Variants in CERS3 observed in about 807,000 individuals in gnomAD.
CERS3 encodes the protein ceramide synthase 3.
In CERS3, 33 loss-of-function variants were observed where a neutral mutation model predicts 50.3. The observed-to-expected ratio is 0.66, with a 90% CI of 0.50 to 0.88. The LOEUF (loss-of-function observed/expected upper bound fraction) is 0.88, where lower values mean the gene tolerates loss of function less well. Ranked by LOEUF, CERS3 falls within the 40% of genes least tolerant of loss-of-function variation. The pLI is 0.00. For missense variants in CERS3, 470 were observed against 460.3 expected, an observed-to-expected ratio of 1.02 and a Z score of -0.19; for synonymous variants, 176 against 155.2, an observed-to-expected ratio of 1.13 and a Z score of -0.99.
At chr15:100,501,530 C>T in intron 3 of CERS3, 147 bp downstream of exon 3, 1 of 647,458 alleles carries the variant, frequency 1.5e-6, no homozygotes. Flanking sequence ...CATCTGATTA[C>T]ATTAACTCAT....
intron 11 of CERS3, chr15:100,438,029 GTACCCACTTTT>G (rs1470395391): frequency 7.2e-6 from 1 of 139,436 alleles, no homozygotes; most frequent in Non-Finnish European, 1.5e-5. Context: ...ATTGGATTAT[GTACCCACTTTT>G]TTTTTTTTTT....
At chr15:100,459,530 G>A (rs190482478) in intron 10 of CERS3, among the ~76,000 whole-genome samples, 7 of 152,112 alleles carry the variant, frequency 4.6e-5, no homozygotes, top group African/African-American at 1.7e-4. Context: ...CGAACTTCTA[G>A]GCTTAAGGGA....
At chr15:100,448,980 G>C (rs1368277822) in intron 11 of CERS3, among the ~76,000 whole-genome samples, 1 of 152,266 alleles carries the variant, frequency 6.6e-6, no homozygotes, top group South Asian at 2.1e-4. Flanking sequence ...TGCAGGTGCT[G>C]CCACTGAAAG....
intron 11 of CERS3, among the ~76,000 whole-genome samples, chr15:100,438,993 C>T (rs1044313289): frequency 6.6e-6 from 1 of 152,146 alleles, no homozygotes. Context: ...AAGAAAATGA[C>T]AAGATGAGTG....
At chr15:100,452,717 T>C (rs1005041417) in intron 11 of CERS3, among the ~76,000 whole-genome samples, 2 of 151,994 alleles carry the variant, frequency 1.3e-5, no homozygotes, top group African/African-American at 2.4e-5. Context: ...AATTAGAAGT[T>C]AGTTTTTGAA....
intron 2 of CERS3, among the ~76,000 whole-genome samples, chr15:100,517,745 C>T (rs77669705): frequency 6.6e-6 from 1 of 152,082 alleles, no homozygotes; most frequent in African/African-American, 2.4e-5. Context: ...AGATAAAGCA[C>T]CCCTTGGAAA....
intron 11 of CERS3, among the ~76,000 whole-genome samples, chr15:100,442,942 C>A (rs1044441442): frequency 6.6e-6 from 1 of 150,516 alleles, no homozygotes; most frequent in Non-Finnish European, 1.5e-5. Flanking sequence ...TGGGTATTGA[C>A]GGCCAGGCTT....
chr15:100,406,941 G>A (rs143770758), intron 11 of CERS3, among the ~76,000 whole-genome samples: 2 of 152,214 alleles, frequency 1.3e-5, no homozygotes, highest in African/African-American at 2.4e-5. Flanking sequence ...CGGGCAAAGA[G>A]AGAGAGAGAG....
chr15:100,466,466 A>G (rs776137883), intron 10 of CERS3, among the ~76,000 whole-genome samples: 1 of 152,316 alleles, frequency 6.6e-6, no homozygotes, highest in Non-Finnish European at 1.5e-5. Context: ...CTTCCCTTGA[A>G]TATGAGTCAG....
chr15:100,498,945 A>G (rs1042658437), intron 3 of CERS3, among the ~76,000 whole-genome samples: 6 of 152,186 alleles, frequency 3.9e-5, no homozygotes, highest in Non-Finnish European at 7.3e-5. Flanking sequence ...CTCAGATGAA[A>G]AAGTCTAATG....
At chr15:100,541,530 T>C (rs1291937816) in intron 1 of CERS3, among the ~76,000 whole-genome samples, 1 of 152,170 alleles carries the variant, frequency 6.6e-6, no homozygotes, top group Admixed American at 6.5e-5. Context: ...AAAAGGAAAC[T>C]GGAAAGAAAC....
intron 1 of CERS3, among the ~76,000 whole-genome samples, chr15:100,534,697 C>A (rs1270739798): frequency 2.0e-5 from 3 of 149,968 alleles, no homozygotes; most frequent in Admixed American, 6.6e-5. Flanking sequence ...AAACCCTAAG[C>A]AATTTCCAGT....
At chr15:100,455,655 C>A (rs1409738733) in intron 11 of CERS3, among the ~76,000 whole-genome samples, 1 of 152,036 alleles carries the variant, frequency 6.6e-6, no homozygotes, top group African/African-American at 2.4e-5. Context: ...GAAGTTTTGA[C>A]ATTTTAAAAA....
At chr15:100,526,513 T>TGTGTGTGTGC (rs71151963) in intron 1 of CERS3, among the ~76,000 whole-genome samples, 3 of 151,538 alleles carry the variant, frequency 2.0e-5, no homozygotes, top group Non-Finnish European at 4.4e-5. Flanking sequence ...TGTGTGTGTG[T>TGTGTGTGTGC]AAAAACAACT....
At chr15:100,493,773 T>C (rs2035721729) in intron 3 of CERS3, among the ~76,000 whole-genome samples, 1 of 152,190 alleles carries the variant, frequency 6.6e-6, no homozygotes, top group Non-Finnish European at 1.5e-5. Flanking sequence ...CTATTGAGCC[T>C]CTCTCATGAA....
chr15:100,452,346 T>C (rs527482893), intron 11 of CERS3, among the ~76,000 whole-genome samples: 3 of 152,214 alleles, frequency 2.0e-5, no homozygotes, highest in African/African-American at 4.8e-5. Context: ...TATGAATACA[T>C]GGAAATTAAA....
At chr15:100,471,139 A>G (rs1284843188) in intron 9 of CERS3, among the ~76,000 whole-genome samples, 1 of 152,208 alleles carries the variant, frequency 6.6e-6, no homozygotes, top group Non-Finnish European at 1.5e-5. Flanking sequence ...TGACTTGTGG[A>G]TCAAGAATGA....
rs2587763 is a variant in CERS3 at position 100,479,614 on chromosome 15, G to T, written c.466-136C>A. 0.79 allele frequency: 505,539 copies of T among 638,458 alleles called. 201,964 individuals are homozygous for T. Among genetic ancestry groups the T allele is most frequent in the Middle Eastern group, 0.86 (2,138 of 2,492 alleles). The allele number at this position is 638,458 out of a possible 1,614,324, so 39.5% of individuals were successfully genotyped here. ...AAAGATGCACAGGAAATTGACCTTT[G>T]CCATATTCTTTTGCTTCTATTGCAC... On this transcript the variant is annotated intron_variant, in intron 6 of 11. Transcript: ENST00000679737.
intron 3 of CERS3, among the ~76,000 whole-genome samples, chr15:100,496,692 T>A (rs1356617755): frequency 4.6e-5 from 7 of 152,194 alleles, no homozygotes; most frequent in Non-Finnish European, 1.0e-4. Flanking sequence ...CAGATATTTT[T>A]AAAATAATGA....
Sources: gnomAD v4.1 joint callset for allele counts (sites outside exome capture counted in the v4.1 genomes callset) on GRCh38, gnomAD v4.1.1 for gene constraint, MANE v1.5 for transcripts, NCBI Gene and HGNC (gene_info 2026-07-23, HGNC 2026-07-21) for gene names.